The following IL1RAPL1 variants were observed in gnomAD, a reference collection of about 807,000 sequenced individuals.
IL1RAPL1 encodes the protein interleukin-1 receptor accessory protein-like 1.
A neutral mutation model predicts 48.4 loss-of-function variants in IL1RAPL1; 3 were observed. The observed-to-expected ratio is 0.06, with a 90% CI of 0.03 to 0.16. IL1RAPL1 has a LOEUF of 0.16. IL1RAPL1 is among the 10% of genes least tolerant of loss of function. The pLI is 1.00. For missense variants in IL1RAPL1, 349 were observed against 530.6 expected, an observed-to-expected ratio of 0.66 and a Z score of 3.36; for synonymous variants, 185 against 187.7, an observed-to-expected ratio of 0.99 and a Z score of 0.12.
intron 2 of IL1RAPL1, among the ~76,000 whole-genome samples, chrX:29,180,975 G>T (rs1447719518): frequency 9.0e-6 from 1 of 111,643 alleles, no homozygotes; most frequent in Non-Finnish European, 1.9e-5. Flanking sequence ...TTGATTCTTG[G>T]AAAATGCATC....
chrX:29,230,504 CAAAAAAAAAAAAA>C lies in IL1RAPL1; in HGVS notation c.83-52415_83-52403del, dbSNP rs60539139. 6.7e-3 allele frequency among the ~76,000 whole-genome samples: 111 copies of C among 16,592 alleles called. 3 individuals carry two copies. The highest frequency in any genetic ancestry group is 0.027 in the African/African-American group (95 of 3,486). 14.4% of individuals were successfully genotyped at this position (16,592 alleles called of 115,157 possible). A position where few individuals can be genotyped will look rare whatever the true frequency, so the allele number is the denominator to read the frequency against. ...TGCTCTATCATTATGGTCCCTTTAC[CAAAAAAAAAAAAA>C]AAAAAAAAAAAAAAAAAACCTTGTT... is the stretch of plus-strand genomic sequence containing the variant. On this transcript the variant is annotated intron_variant, in intron 2 of 10. Transcript: ENST00000378993.
intron 2 of IL1RAPL1, among the ~76,000 whole-genome samples, chrX:28,996,574 A>T (rs1925729620): frequency 9.0e-6 from 1 of 111,300 alleles, no homozygotes; most frequent in South Asian, 3.7e-4. Flanking sequence ...ACAGCAGTGT[A>T]TTAGGGTTCT....
At chrX:28,653,368 G>C (rs1934709223) in intron 1 of IL1RAPL1, among the ~76,000 whole-genome samples, 1 of 110,405 alleles carries the variant, frequency 9.1e-6, no homozygotes, top group South Asian at 3.9e-4. Flanking sequence ...CCAGCTACTT[G>C]GGAGGCTAAG....
chrX:28,630,131 C>G (rs966993087), intron 1 of IL1RAPL1, among the ~76,000 whole-genome samples: 2 of 111,290 alleles, frequency 1.8e-5, no homozygotes, highest in African/African-American at 6.5e-5. Context: ...TCAAGGCACA[C>G]TTTTCTATCT....
At chrX:29,192,633 A>C (rs1261116874) in intron 2 of IL1RAPL1, among the ~76,000 whole-genome samples, 1 of 112,306 alleles carries the variant, frequency 8.9e-6, no homozygotes, top group Non-Finnish European at 1.9e-5. Context: ...ATATAATTTT[A>C]AAAAGCTATT....
chrX:29,493,315 T>C (rs2147755019), intron 5 of IL1RAPL1, among the ~76,000 whole-genome samples: 1 of 112,180 alleles, frequency 8.9e-6, no homozygotes, highest in South Asian at 3.7e-4. Flanking sequence ...CAGATACAGA[T>C]TGGAGAACTT....
intron 6 of IL1RAPL1, among the ~76,000 whole-genome samples, chrX:29,802,849 G>A (rs1396588485): frequency 7.4e-5 from 6 of 81,382 alleles, no homozygotes; most frequent in African/African-American, 2.0e-4. Flanking sequence ...ATACATATAT[G>A]TGTATATACG....
At chrX:29,258,243 G>A (rs777481268) in intron 2 of IL1RAPL1, among the ~76,000 whole-genome samples, 87 of 111,061 alleles carry the variant, frequency 7.8e-4, no homozygotes, top group Non-Finnish European at 1.6e-3. Flanking sequence ...AATTTCACAT[G>A]TACCCCATAA....
At chrX:29,468,894 T>C (rs1342002102) in intron 5 of IL1RAPL1, among the ~76,000 whole-genome samples, 1 of 111,907 alleles carries the variant, frequency 8.9e-6, no homozygotes, top group Non-Finnish European at 1.9e-5. Flanking sequence ...TCAGAAGGGT[T>C]ATACAAAATC....
intron 3 of IL1RAPL1, among the ~76,000 whole-genome samples, chrX:29,334,005 C>T (rs1356989677): frequency 1.1e-4 from 10 of 87,218 alleles, no homozygotes; most frequent in Non-Finnish European, 4.7e-5. Flanking sequence ...CCGGACGGGG[C>T]GGCTGGCCGG....
At chrX:29,256,210 TCTC>T (rs762878200) in intron 2 of IL1RAPL1, among the ~76,000 whole-genome samples, 1 of 111,558 alleles carries the variant, frequency 9.0e-6, no homozygotes, top group African/African-American at 3.3e-5. Context: ...GATTATCTAA[TCTC>T]CTTTAAAAGC....
At chrX:28,673,179 G>A (rs945346573) in intron 1 of IL1RAPL1, among the ~76,000 whole-genome samples, 9 of 111,749 alleles carry the variant, frequency 8.1e-5, no homozygotes, top group African/African-American at 2.6e-4. Context: ...TAGAGGACCC[G>A]GAAATAAGGC....
At chrX:29,944,356 G>C (rs910818333) in intron 9 of IL1RAPL1, among the ~76,000 whole-genome samples, 4 of 111,193 alleles carry the variant, frequency 3.6e-5, no homozygotes, top group African/African-American at 1.3e-4. Context: ...CTCTTAACTC[G>C]TATCTCCCGC....
intron 8 of IL1RAPL1, among the ~76,000 whole-genome samples, chrX:29,932,975 T>C (rs1440063247): frequency 1.8e-5 from 2 of 112,129 alleles, no homozygotes; most frequent in African/African-American, 6.5e-5. Context: ...GTATCAAAGA[T>C]GTGAAGCAGT....
chrX:29,908,543 A>T (rs979722121), intron 6 of IL1RAPL1, among the ~76,000 whole-genome samples: 4 of 110,808 alleles, frequency 3.6e-5, no homozygotes, highest in African/African-American at 1.3e-4. Flanking sequence ...AAAAATGGGT[A>T]GCCCCTCCTT....
At chrX:29,709,379 A>G (rs1927281182) in intron 6 of IL1RAPL1, among the ~76,000 whole-genome samples, 1 of 111,690 alleles carries the variant, frequency 9.0e-6, no homozygotes, top group South Asian at 3.7e-4. Context: ...CAGTTTTTCC[A>G]ACACTATTTT....
intron 2 of IL1RAPL1, among the ~76,000 whole-genome samples, chrX:29,084,892 C>T (rs151076248): frequency 0.012 from 1,328 of 111,840 alleles, 27 homozygotes; most frequent in African/African-American, 0.041. Context: ...GGGGTTTCGC[C>T]ATGTTGGGCA....
At position 29,668,284 on chromosome X, in the gene IL1RAPL1, C is replaced by T. The variant is rs200742350; in HGVS notation, c.704-146C>T. On this transcript the variant is annotated intron_variant, in intron 5 of 10. Coordinates refer to ENST00000378993, the MANE Select transcript of IL1RAPL1 (RefSeq NM_014271.4). ...TTTTCAGCTTGCCTGAAGGTGTTAT[C>T]TGCAGTATGTTCATCGTTACTTGGT... The T allele has an allele frequency of 6.8e-5, 35 of 513,579 alleles. No individual in the cohort carries two copies. The East Asian group carries it at 1.4e-3, about 20-fold the overall frequency. 42.3% of individuals were successfully genotyped at this position (513,579 alleles called of 1,213,427 possible). A position where few individuals can be genotyped will look rare whatever the true frequency, so the allele number is the denominator to read the frequency against.
chrX:29,049,920 T>C (rs1293221334), intron 2 of IL1RAPL1, among the ~76,000 whole-genome samples: 1 of 112,011 alleles, frequency 8.9e-6, no homozygotes, highest in Non-Finnish European at 1.9e-5. Flanking sequence ...TAAACTAAAC[T>C]CCAGACTTCA....
Sources: gnomAD v4.1 joint callset for allele counts (sites outside exome capture counted in the v4.1 genomes callset) on GRCh38, gnomAD v4.1.1 for gene constraint, MANE v1.5 for transcripts, NCBI Gene and HGNC (gene_info 2026-07-23, HGNC 2026-07-21) for gene names.